The following DOCK8 variants were observed in gnomAD, a reference collection of about 807,000 sequenced individuals.
The protein encoded by DOCK8 is dedicator of cytokinesis protein 8.
Under a neutral mutation model 245.6 loss-of-function variants are expected in DOCK8, and 141 were observed. That is an observed-to-expected ratio of 0.57 (90% CI 0.50 to 0.66). DOCK8 has a LOEUF of 0.66. DOCK8 is among the 30% of genes least tolerant of loss of function. DOCK8 has a pLI of 0.00. For missense variants in DOCK8, 2,965 were observed against 2,603.4 expected (o/e 1.14, Z -3.02); for synonymous variants, 1,168 against 970.2 (o/e 1.20, Z -3.79).
At chr9:380,007 A>G in intron 21 of DOCK8, 72 bp downstream of exon 21, 1 of 1,532,012 alleles carries the variant, frequency 6.5e-7, no homozygotes, top group Non-Finnish European at 8.8e-7. Flanking sequence ...AGTGTAATCC[A>G]AAATAAAACA....
chr9:317,046 G>C lies in DOCK8; in HGVS notation c.745G>C (p.Asp249His), dbSNP rs202110964. The C allele has an allele frequency of 1.2e-6, 2 of 1,612,236 alleles. No individual in the cohort carries two copies. The highest frequency in any genetic ancestry group is 2.7e-5 in the African/African-American group (2 of 74,986). Residue 249 changes from aspartate (D) to histidine (H), a missense_variant, in exon 7 of 48, where the codon GAT (aspartate) becomes CAT (histidine). Asp to His is a moderately conservative substitution (Grantham distance 81, BLOSUM62 -1). This residue lies in a region of DOCK8 where 2,825 missense variants were observed against 2,453.5 expected (regional missense o/e 1.15). Transcript: ENST00000432829. ...FALYPSVDEE[D>H]AVEIRPVPEC... ...CTTACGATGTGATTAAAAATAGGAG[G>C]ATGCTGTGGAAATACGTCCAGTACC...
At chr9:314,797 C>T (rs1300940071) in intron 6 of DOCK8, among the ~76,000 whole-genome samples, 2 of 134,830 alleles carry the variant, frequency 1.5e-5, no homozygotes, top group African/African-American at 6.1e-5. Context: ...TTTTCGATGA[C>T]ACAATCAGAT....
chr9:404,088 G>A (rs951937769), intron 26 of DOCK8, among the ~76,000 whole-genome samples: 1 of 150,716 alleles, frequency 6.6e-6, no homozygotes, highest in African/African-American at 2.4e-5. Context: ...TCATATTTCT[G>A]TGCTGGGGTG....
At chr9:275,146 C>G (rs1191161916) in intron 2 of DOCK8, among the ~76,000 whole-genome samples, 2 of 152,180 alleles carry the variant, frequency 1.3e-5, no homozygotes, top group East Asian at 3.8e-4. Flanking sequence ...CATAATAATG[C>G]TGTCCCTAGT....
At chr9:219,480 A>G (rs1478701190) in intron 1 of DOCK8, among the ~76,000 whole-genome samples, 2 of 152,222 alleles carry the variant, frequency 1.3e-5, no homozygotes, top group African/African-American at 4.8e-5. Flanking sequence ...AAAATAAAAT[A>G]AAATAAAAAA....
intron 2 of DOCK8, among the ~76,000 whole-genome samples, chr9:282,416 T>TTG (rs1260903738): frequency 2.0e-5 from 3 of 150,220 alleles, no homozygotes; most frequent in Non-Finnish European, 4.4e-5. Flanking sequence ...TCGTTTTGTT[T>TTG]TTTTTTTTTT....
At chr9:220,032 T>C (rs1005699942) in intron 1 of DOCK8, among the ~76,000 whole-genome samples, 2 of 152,220 alleles carry the variant, frequency 1.3e-5, no homozygotes, top group African/African-American at 4.8e-5. Context: ...TATTCAAATG[T>C]ATAGATGTGT....
chr9:434,099 A>C (rs1032311891), intron 38 of DOCK8, 124 bp downstream of exon 38: 4 of 730,194 alleles, frequency 5.5e-6, no homozygotes, highest in African/African-American at 1.7e-5. Flanking sequence ...TAGCCAAATA[A>C]TATATAGAAA....
chr9:273,419 T>C (rs1439385276), intron 2 of DOCK8, among the ~76,000 whole-genome samples: 1 of 152,242 alleles, frequency 6.6e-6, no homozygotes, highest in Non-Finnish European at 1.5e-5. Flanking sequence ...TGTGCTAATA[T>C]ATATTTAATT....
chr9:228,571 C>G (rs1379871429), intron 1 of DOCK8, among the ~76,000 whole-genome samples: 2 of 151,984 alleles, frequency 1.3e-5, no homozygotes, highest in African/African-American at 4.8e-5. Context: ...TTTTGCCTCC[C>G]CAACATTTTT....
intron 2 of DOCK8, among the ~76,000 whole-genome samples, chr9:281,775 C>G (rs2048597939): frequency 6.6e-6 from 1 of 152,164 alleles, no homozygotes; most frequent in African/African-American, 2.4e-5. Flanking sequence ...AGAGGAACAA[C>G]TGCTAGGAGG....
Position 325,532 on chromosome 9 carries a change from A to G in DOCK8, c.828-139A>G, listed in dbSNP as rs2050725968. 4.0e-6 allele frequency: 3 copies of G among 749,504 alleles called. No individual in the cohort carries two copies. The South Asian group carries it at 4.4e-5, about 11-fold the overall frequency. 46.4% of individuals were successfully genotyped at this position (749,504 alleles called of 1,614,324 possible). A position where few individuals can be genotyped will look rare whatever the true frequency, so the allele number is the denominator to read the frequency against. On this transcript the variant is annotated intron_variant, in intron 7 of 47. Transcript: ENST00000432829. ...ATTTCTCTATTAATATCCCAGTGCG[A>G]TTCTCATATACTTGGAGTTTTCCAA... is the stretch of plus-strand genomic sequence containing the variant.
Position 391,926 on chromosome 9 carries a change from G to A in DOCK8, c.2970+1360G>A, listed in dbSNP as rs569480868. ...GGCTGAGGCAGGCAGGTCACTTGAA[G>A]TCAAGAGTTCGAGACCAGCCTGGCC... On this transcript the variant is annotated intron_variant, in intron 24 of 47. Coordinates refer to ENST00000432829, the MANE Select transcript of DOCK8 (RefSeq NM_203447.4). 2.0e-5 allele frequency among the ~76,000 whole-genome samples: 3 copies of A among 150,092 alleles called. 1 individual carries two copies. The East Asian group carries it at 5.9e-4, about 30-fold the overall frequency.
rs771555840 is a variant in DOCK8, at chr9:357,451, TTC to T, written c.1680-10553_1680-10552del. 2.1e-4 allele frequency among the ~76,000 whole-genome samples: 32 copies of T among 151,986 alleles called. No homozygotes were observed. The South Asian group carries it at 3.3e-3, about 16-fold the overall frequency. The stretch of plus-strand genomic sequence containing the variant: ...ACATTAAGACTGGCTATTGTTTTAT[TTC>T]TCTCTCTCTCTCTTTCTCTTTCTCT... On this transcript the variant is annotated intron_variant, in intron 14 of 47. Coordinates refer to ENST00000432829, the MANE Select transcript of DOCK8 (RefSeq NM_203447.4).
chr9:455,274 G>A (rs984197133), intron 46 of DOCK8, among the ~76,000 whole-genome samples: 3 of 152,164 alleles, frequency 2.0e-5, no homozygotes, highest in African/African-American at 7.2e-5. Flanking sequence ...TGGAAGGACT[G>A]CTTGAGCCCA....
chr9:229,821 C>G (rs950673340), intron 1 of DOCK8, among the ~76,000 whole-genome samples: 1 of 152,080 alleles, frequency 6.6e-6, no homozygotes, highest in Non-Finnish European at 1.5e-5. Flanking sequence ...CTGCAAGTAA[C>G]AGCCAACCAA....
chr9:386,684 G>T (rs1345249356), intron 23 of DOCK8, among the ~76,000 whole-genome samples: 2 of 152,156 alleles, frequency 1.3e-5, no homozygotes, highest in Non-Finnish European at 2.9e-5. Flanking sequence ...CTCATCGCTG[G>T]ACCCTACCTC....
At chr9:379,015 A>G (rs12353277) in intron 20 of DOCK8, among the ~76,000 whole-genome samples, 60,747 of 151,932 alleles carry the variant, frequency 0.4, 15,935 homozygotes, top group African/African-American at 0.75. Context: ...CAGGGTCGGT[A>G]TGATTTTGTG....
intron 29 of DOCK8, among the ~76,000 whole-genome samples, chr9:416,860 A>G (rs988005273): frequency 1.3e-5 from 2 of 152,252 alleles, no homozygotes; most frequent in South Asian, 2.1e-4. Context: ...TCTTGTAACT[A>G]TAACCCTATG....
Sources: gnomAD v4.1 joint callset for allele counts (sites outside exome capture counted in the v4.1 genomes callset) on GRCh38, gnomAD v4.1.1 for gene constraint, gnomAD v4.1.1 regional missense constraint, MANE v1.5 for transcripts, NCBI Gene and HGNC (gene_info 2026-07-23, HGNC 2026-07-21) for gene names.